CCNJL: variants seen among roughly 807,000 people sequenced by gnomAD.
The protein encoded by CCNJL is cyclin-J-like protein.
Under a neutral mutation model 33.4 loss-of-function variants are expected in CCNJL, and 33 were observed. The ratio of observed to expected loss-of-function variants is 0.99; its 90% confidence interval spans 0.75 to 1.32. The LOEUF is 1.32. CCNJL is among the 40% of genes most tolerant of loss of function. The pLI is 0.00. For synonymous variants in CCNJL, 227 were observed against 220.9 expected (o/e 1.03, Z -0.24); for missense variants, 512 against 499.7 (o/e 1.02, Z -0.23).
chr5:160,300,586 T>C (rs1307685955), intron 2 of CCNJL, among the ~76,000 whole-genome samples: 1 of 152,188 alleles, frequency 6.6e-6, no homozygotes, highest in East Asian at 1.9e-4. Flanking sequence ...GTGTATTCTA[T>C]GTGTGGCCCA....
chr5:160,253,821 A>C, intron 5 of CCNJL, 23 bp from the exon 6 acceptor site: 1 of 1,491,834 alleles, frequency 6.7e-7, no homozygotes, highest in Non-Finnish European at 8.9e-7. Context: ...GACCTGGGTG[A>C]GAACTGGAGG....
rs993841807 is a variant in CCNJL at position 160,253,262 on chromosome 5, G to T, written c.*116C>A. 3 of 986,540 alleles carry T rather than the reference G, an allele frequency of 3.0e-6. No individual in the cohort carries two copies. Among genetic ancestry groups the T allele is most frequent in the African/African-American group, 1.6e-5 (1 of 61,418 alleles). 61.1% of individuals were successfully genotyped at this position (986,540 alleles called of 1,614,324 possible). ...TTTAAAAGGAGCACAGACCCTCCAC[G>T]TTCCAAGGCTCTTCAGGGATGGCCT... On this transcript the variant is annotated 3_prime_UTR_variant, in exon 6 of 6. Transcript: ENST00000257536.
At chr5:160,303,156 T>C (rs1762977252) in intron 2 of CCNJL, among the ~76,000 whole-genome samples, 1 of 152,156 alleles carries the variant, frequency 6.6e-6, no homozygotes, top group Non-Finnish European at 1.5e-5. Flanking sequence ...TATGGAAAAA[T>C]GTATATGGGA....
intron 2 of CCNJL, among the ~76,000 whole-genome samples, chr5:160,299,240 C>A (rs144066423): frequency 0.079 from 12,073 of 152,148 alleles, 640 homozygotes; most frequent in South Asian, 0.2. Context: ...ACCTCTGTCT[C>A]CCGGGTTTAA....
intron 3 of CCNJL, among the ~76,000 whole-genome samples, chr5:160,279,956 G>A (rs1487883879): frequency 3.3e-5 from 5 of 152,220 alleles, no homozygotes; most frequent in African/African-American, 9.7e-5. Flanking sequence ...TCAAAGCTAC[G>A]CTGTGTTTTT....
intron 2 of CCNJL, among the ~76,000 whole-genome samples, chr5:160,282,496 T>C (rs1762249462): frequency 6.6e-6 from 1 of 152,026 alleles, no homozygotes; most frequent in South Asian, 2.1e-4. Flanking sequence ...CTTCCAAAGA[T>C]ACCATCCAGA....
At chr5:160,315,756 A>T (rs1763373889), upstream of CCNJL, among the ~76,000 whole-genome samples, 1 of 152,228 alleles carries the variant, frequency 6.6e-6, no homozygotes, top group Admixed American at 6.5e-5. Context: ...AAAAAGAGTG[A>T]ATGTTACTTT....
In CCNJL at chr5:160,274,458, C is replaced by CA. The variant is rs557773717; in HGVS notation, c.280+6066dup. 8.9e-3 allele frequency among the ~76,000 whole-genome samples: 1,265 copies of CA among 141,398 alleles called. 12 individuals carry two copies. The highest frequency in any genetic ancestry group is 0.027 in the African/African-American group (1,037 of 38,596). 92.8% of individuals were successfully genotyped at this position (141,398 alleles called of 152,430 possible). ...TAGGTGACAGAGTGAGACCTCGTCT[C>CA]AAAAAAAAAAACAATCTGTAGTAAG... On this transcript the variant is annotated intron_variant, in intron 3 of 5. Coordinates refer to ENST00000257536, the MANE Select transcript of CCNJL (RefSeq NM_001308173.3).
chr5:160,258,698 T>TA (rs1445069745), intron 4 of CCNJL: 3 of 769,186 alleles, frequency 3.9e-6, no homozygotes, highest in East Asian at 2.5e-5. Flanking sequence ...ATATCTATTG[T>TA]AAAAAACAAA....
intron 1 of CCNJL, among the ~76,000 whole-genome samples, chr5:160,327,390 TGGGGG>T (rs1031475048): frequency 1.3e-5 from 2 of 152,280 alleles, no homozygotes; most frequent in African/African-American, 4.8e-5. Context: ...AGGAAGATGT[TGGGGG>T]AAATGGAGCA....
At chr5:160,312,192 G>A (rs1271317769) in intron 1 of CCNJL, among the ~76,000 whole-genome samples, 172 bp downstream of exon 1, 1 of 152,248 alleles carries the variant, frequency 6.6e-6, no homozygotes, top group African/African-American at 2.4e-5. Context: ...ACAACTTGCA[G>A]AATTTTTATC....
intron 2 of CCNJL, among the ~76,000 whole-genome samples, chr5:160,300,769 C>T (rs1762897024): frequency 6.6e-6 from 1 of 152,200 alleles, no homozygotes; most frequent in Non-Finnish European, 1.5e-5. Context: ...AAGTGATCCT[C>T]CCATTTCAAC....
chr5:160,337,630 C>T (rs1361721751), intron 1 of CCNJL, among the ~76,000 whole-genome samples: 6 of 152,012 alleles, frequency 3.9e-5, no homozygotes, highest in African/African-American at 7.3e-5. Context: ...TTGAGAATGT[C>T]GGGGGTTGGG....
chr5:160,310,628 T>A (rs2113456710), intron 2 of CCNJL, among the ~76,000 whole-genome samples: 1 of 152,182 alleles, frequency 6.6e-6, no homozygotes, highest in East Asian at 1.9e-4. Flanking sequence ...CATGTTAATC[T>A]GGAACTTCAG....
chr5:160,263,773 C>A (rs1580955682), intron 3 of CCNJL, among the ~76,000 whole-genome samples: 5 of 152,154 alleles, frequency 3.3e-5, no homozygotes. Context: ...TATCCTGTTT[C>A]TCAACAACCT....
intron 4 of CCNJL, among the ~76,000 whole-genome samples, chr5:160,256,931 T>C (rs7443367): frequency 0.22 from 32,799 of 150,324 alleles, 4,245 homozygotes; most frequent in East Asian, 0.33. Flanking sequence ...AAAAAAAAAA[T>C]TTTTTTTCAT....
At position 160,253,300 on chromosome 5, in the gene CCNJL, C is replaced by T. The variant is rs921293370; in HGVS notation, c.*78G>A. 3 of 1,424,682 alleles carry T rather than the reference C, an allele frequency of 2.1e-6. No individual in the cohort carries two copies. The East Asian group carries it at 6.9e-5, about 33-fold the overall frequency. 88.3% of individuals were successfully genotyped at this position (1,424,682 alleles called of 1,614,324 possible). A position where few individuals can be genotyped will look rare whatever the true frequency, so the allele number is the denominator to read the frequency against. On this transcript the variant is annotated 3_prime_UTR_variant, in exon 6 of 6. Coordinates refer to ENST00000257536, the MANE Select transcript of CCNJL (RefSeq NM_001308173.3). ...TCAGGGATGGCCTCCTGCTGCCTCA[C>T]TTGGCTGAGCTCTCCTCTTCAGTGT...
chr5:160,312,274 G>C (rs1412924519), intron 1 of CCNJL, 90 bp downstream of exon 1: 1 of 343,282 alleles, frequency 2.9e-6, no homozygotes, highest in South Asian at 3.8e-5. Flanking sequence ...CTCTGGCGGC[G>C]GCCACAGGCT....
At chr5:160,310,121 G>A (rs1763215485) in intron 2 of CCNJL, among the ~76,000 whole-genome samples, 1 of 152,162 alleles carries the variant, frequency 6.6e-6, no homozygotes, top group Non-Finnish European at 1.5e-5. Flanking sequence ...TTCCTCCTAA[G>A]CTATGAGCAG....
Sources: allele counts gnomAD v4.1 joint callset (sites outside exome capture counted in the v4.1 genomes callset), GRCh38; gene constraint gnomAD v4.1.1; transcripts MANE v1.5; gene names NCBI Gene and HGNC (gene_info 2026-07-23, HGNC 2026-07-21).